Variants in SSBP2 observed in about 807,000 individuals in gnomAD.
The protein encoded by SSBP2 is single stranded DNA binding protein 2.
In SSBP2, 17 loss-of-function variants were observed where a neutral mutation model predicts 61.8. The ratio of observed to expected loss-of-function variants is 0.28; its 90% confidence interval spans 0.19 to 0.41. The LOEUF is 0.41. SSBP2 is among the 10% of genes least tolerant of loss of function. The pLI is 1.00. For missense variants in SSBP2, 310 were observed against 458.7 expected (o/e 0.68, Z 2.96); for synonymous variants, 139 against 141.3 (o/e 0.98, Z 0.12).
intron 1 of SSBP2, among the ~76,000 whole-genome samples, chr5:81,727,404 C>T (rs1755964840): frequency 6.6e-6 from 1 of 152,106 alleles, no homozygotes; most frequent in Admixed American, 6.6e-5. Flanking sequence ...ACAAAGTTAG[C>T]CGGGAGTGGT....
chr5:81,740,155 T>A (rs183717792), intron 1 of SSBP2, among the ~76,000 whole-genome samples: 129 of 152,298 alleles, frequency 8.5e-4, no homozygotes, highest in African/African-American at 3.0e-3. Flanking sequence ...GATGAACTCC[T>A]ACCTGAAAAC....
At chr5:81,635,650 C>T (rs1748150331) in intron 3 of SSBP2, among the ~76,000 whole-genome samples, 1 of 146,320 alleles carries the variant, frequency 6.8e-6, no homozygotes, top group Non-Finnish European at 1.5e-5. Context: ...GTGGTGCAAT[C>T]TCGGCTCACT....
intron 1 of SSBP2, among the ~76,000 whole-genome samples, chr5:81,699,768 A>C (rs150787244): frequency 6.6e-6 from 1 of 152,264 alleles, no homozygotes; most frequent in East Asian, 1.9e-4. Context: ...AGAATGGTGA[A>C]TCCTTCCAGA....
At chr5:81,568,373 G>T (rs1295299087) in intron 4 of SSBP2, among the ~76,000 whole-genome samples, 1 of 152,156 alleles carries the variant, frequency 6.6e-6, no homozygotes, top group Non-Finnish European at 1.5e-5. Context: ...TGCCATCCAT[G>T]TAAGATGAGA....
At chr5:81,467,804 T>TC (rs1302600883) in intron 8 of SSBP2, among the ~76,000 whole-genome samples, 3 of 151,992 alleles carry the variant, frequency 2.0e-5, no homozygotes, top group Admixed American at 1.3e-4. Context: ...CTCCAACTCT[T>TC]CTGGGTACTC....
chr5:81,494,498 G>A (rs1439334865), intron 5 of SSBP2, among the ~76,000 whole-genome samples: 1 of 152,172 alleles, frequency 6.6e-6, no homozygotes, highest in African/African-American at 2.4e-5. Flanking sequence ...TGAGGGTGGA[G>A]CCTTCATGAA....
chr5:81,549,051 T>TA (rs1231196923), intron 4 of SSBP2, among the ~76,000 whole-genome samples: 11 of 152,212 alleles, frequency 7.2e-5, no homozygotes, highest in Admixed American at 7.2e-4. Flanking sequence ...AAGATATAGT[T>TA]ATAGTTTTTA....
At chr5:81,473,316 C>T (rs151330753) in intron 8 of SSBP2, among the ~76,000 whole-genome samples, 74 of 152,144 alleles carry the variant, frequency 4.9e-4, no homozygotes, top group African/African-American at 1.6e-3. Context: ...GGTATATGTA[C>T]GCCATGGTAG....
At chr5:81,650,746 G>A (rs749262036) in intron 1 of SSBP2, among the ~76,000 whole-genome samples, 50 of 152,088 alleles carry the variant, frequency 3.3e-4, no homozygotes, top group African/African-American at 5.3e-4. Context: ...TCTTTTTGGC[G>A]AATGTTAATA....
intron 4 of SSBP2, among the ~76,000 whole-genome samples, chr5:81,522,248 C>T (rs1230759689): frequency 6.6e-6 from 1 of 151,880 alleles, no homozygotes; most frequent in Non-Finnish European, 1.5e-5. Context: ...TGTGGGAACC[C>T]GTTGGTGATA....
chr5:81,684,192 G>C (rs1166510741), intron 1 of SSBP2, among the ~76,000 whole-genome samples: 1 of 152,074 alleles, frequency 6.6e-6, no homozygotes, highest in Non-Finnish European at 1.5e-5. Flanking sequence ...ATACATAGAA[G>C]CAACCAAGAT....
At chr5:81,729,798 T>C (rs1475948463) in intron 1 of SSBP2, among the ~76,000 whole-genome samples, 1 of 152,172 alleles carries the variant, frequency 6.6e-6, no homozygotes, top group Admixed American at 6.5e-5. Context: ...AATGTGGTAT[T>C]TTCATATAAC....
At chr5:81,707,129 A>G (rs1357369514) in intron 1 of SSBP2, among the ~76,000 whole-genome samples, 1 of 152,188 alleles carries the variant, frequency 6.6e-6, no homozygotes. Flanking sequence ...CTGAGAGGTA[A>G]CAGAGCAGTG....
chr5:81,547,036 C>A (rs796952887), intron 4 of SSBP2, among the ~76,000 whole-genome samples: 630 of 53,862 alleles, frequency 0.012, 21 homozygotes, highest in African/African-American at 0.052. Flanking sequence ...AAATCTTGGC[C>A]AAAAAAAAAA....
At chr5:81,505,599 T>TA (rs749386795) in intron 5 of SSBP2, among the ~76,000 whole-genome samples, 11 of 152,216 alleles carry the variant, frequency 7.2e-5, no homozygotes, top group Non-Finnish European at 1.5e-4. Flanking sequence ...AAATTTTTTT[T>TA]ATCAAGAAAT....
intron 4 of SSBP2, among the ~76,000 whole-genome samples, chr5:81,592,282 G>C (rs956961095): frequency 6.6e-6 from 1 of 152,236 alleles, no homozygotes; most frequent in African/African-American, 2.4e-5. Context: ...CAGCGAGGAT[G>C]GGGGAGGGGC....
At chr5:81,483,786 T>C (rs895357618) in intron 6 of SSBP2, among the ~76,000 whole-genome samples, 2 of 150,186 alleles carry the variant, frequency 1.3e-5, no homozygotes, top group African/African-American at 5.0e-5. Flanking sequence ...CACACACACA[T>C]TTATACTTTT....
intron 1 of SSBP2, among the ~76,000 whole-genome samples, chr5:81,658,236 G>A (rs527538679): frequency 1.3e-5 from 2 of 152,104 alleles, no homozygotes; most frequent in African/African-American, 4.8e-5. Context: ...CTGCCAGCCC[G>A]ATGACCACCA....
intron 16 of SSBP2, among the ~76,000 whole-genome samples, chr5:81,426,441 G>C (rs1761955331): frequency 6.6e-6 from 1 of 152,208 alleles, no homozygotes; most frequent in African/African-American, 2.4e-5. Flanking sequence ...AGGAGACAAG[G>C]AGGGAAGAGA....
Sources: allele counts gnomAD v4.1 joint callset (sites outside exome capture counted in the v4.1 genomes callset), GRCh38; gene constraint gnomAD v4.1.1; transcripts MANE v1.5; gene names NCBI Gene and HGNC (gene_info 2026-07-23, HGNC 2026-07-21).